Variants in MATN2 observed in about 807,000 individuals in gnomAD.
MATN2 encodes the protein matrilin 2.
Under a neutral mutation model 103.2 loss-of-function variants are expected in MATN2, and 69 were observed. The ratio of observed to expected loss-of-function variants is 0.67; its 90% CI spans 0.55 to 0.82. The LOEUF (loss-of-function observed/expected upper bound fraction) is 0.82, where lower values mean the gene tolerates loss of function less well. MATN2 is among the 40% of genes least tolerant of loss of function. The pLI is 0.00. For synonymous variants in MATN2, 429 were observed against 450.2 expected (o/e 0.95, Z 0.60); for missense variants, 1,023 against 1,211.5 (o/e 0.84, Z 2.31).
intron 2 of MATN2, among the ~76,000 whole-genome samples, chr8:97,908,755 C>T (rs565023490): frequency 6.6e-6 from 1 of 152,272 alleles, no homozygotes; most frequent in East Asian, 1.9e-4. Flanking sequence ...CCTCAGTCTC[C>T]CAAGTAGCTG....
chr8:98,032,130 A>T, intron 15 of MATN2, 116 bp from the exon 16 acceptor site: 1 of 770,116 alleles, frequency 1.3e-6, no homozygotes, highest in Non-Finnish European at 2.1e-6. Flanking sequence ...AAACAAAACT[A>T]AAAAACCTTA....
chr8:97,968,095 C>T (rs1362001581), intron 5 of MATN2, among the ~76,000 whole-genome samples: 1 of 152,232 alleles, frequency 6.6e-6, no homozygotes, highest in Non-Finnish European at 1.5e-5. Context: ...GCAGCCCAAG[C>T]TGTACCTGTG....
intron 6 of MATN2, among the ~76,000 whole-genome samples, chr8:97,990,485 T>C (rs1812357791): frequency 6.6e-6 from 1 of 152,218 alleles, no homozygotes; most frequent in African/African-American, 2.4e-5. Flanking sequence ...GCAAAAGGAA[T>C]GAAAGCATAT....
chr8:97,934,831 G>C (rs542911522), intron 3 of MATN2, among the ~76,000 whole-genome samples: 98 of 152,332 alleles, frequency 6.4e-4, no homozygotes, highest in African/African-American at 2.2e-3. Context: ...TGAACATAGA[G>C]TAGCTACTTA....
At chr8:98,011,069 G>A (rs1813142854) in intron 10 of MATN2, among the ~76,000 whole-genome samples, 1 of 152,214 alleles carries the variant, frequency 6.6e-6, no homozygotes, top group African/African-American at 2.4e-5. Context: ...GGGTTCTGGT[G>A]AGGGCCCTCT....
intron 13 of MATN2, chr8:98,025,554 T>C (rs1486468383): frequency 3.8e-6 from 1 of 261,738 alleles, no homozygotes; most frequent in Non-Finnish European, 7.6e-6. Context: ...GAAATCAGCT[T>C]GGCCAAGATG....
chr8:97,997,817 G>GTTT (rs34347663), intron 7 of MATN2, among the ~76,000 whole-genome samples: 14 of 133,646 alleles, frequency 1.0e-4, no homozygotes, highest in Admixed American at 1.5e-4. Context: ...TTTGGAGAAG[G>GTTT]TTTTTTTTTT....
intron 4 of MATN2, among the ~76,000 whole-genome samples, chr8:97,953,854 C>T (rs1329259501): frequency 1.3e-5 from 2 of 150,518 alleles, no homozygotes; most frequent in African/African-American, 4.9e-5. Flanking sequence ...CCCAGCTACT[C>T]GGGAGGCTGA....
intron 3 of MATN2, among the ~76,000 whole-genome samples, chr8:97,937,051 T>G (rs1342432515): frequency 6.6e-6 from 1 of 152,158 alleles, no homozygotes; most frequent in Non-Finnish European, 1.5e-5. Context: ...CCTTCTCCAG[T>G]CCACAGTCAG....
rs1381802309 is a variant in MATN2, at chr8:97,978,879, T to C, written c.959-7T>C. 6.2e-6 allele frequency: 10 copies of C among 1,613,898 alleles called. No homozygotes were observed. The highest frequency in any genetic ancestry group is 7.6e-6 in the Non-Finnish European group (9 of 1,179,818). On this transcript the variant is annotated splice_region_variant and splice_polypyrimidine_tract_variant and intron_variant, in intron 5 of 18. Coordinates refer to ENST00000254898, the MANE Select transcript of MATN2 (RefSeq NM_002380.5). ...TTCTAATTCTGAATGTGTTTTATTCTCTCCAGCTGTGGACTACTGTGCCTC... is the reference window on the plus strand; with the variant it reads ...TTCTAATTCTGAATGTGTTTTATTCCCTCCAGCTGTGGACTACTGTGCCTC...
Position 97,931,274 on chromosome 8 carries a change from G to T in MATN2, c.464G>T (p.Arg155Leu), listed in dbSNP as rs765751317. 6.2e-7 allele frequency: 1 copy of T among 1,613,904 alleles called. No homozygotes were observed. Among genetic ancestry groups the T allele is most frequent in the South Asian group, 1.1e-5 (1 of 91,082 alleles). Residue 155 changes from arginine (R) to leucine (L), a missense_variant, in exon 3 of 19, where the codon CGG becomes CTG. Arg to Leu is a moderately radical substitution (Grantham distance 102). Coordinates refer to ENST00000254898, the MANE Select transcript of MATN2 (RefSeq NM_002380.5). The surrounding 1 kb of genome is among the most constrained non-coding windows in gnomAD (Gnocchi z 4.1). ...NIAFSEAEGA[R>L]PLRENVPRVI... is the part of the protein sequence containing the mutation. ...GCATTCTCAGAAGCAGAGGGGGCCC[G>T]GCCCCTGAGGGAGAATGTGCCACGG...
intron 7 of MATN2, among the ~76,000 whole-genome samples, chr8:97,995,914 A>T (rs115035345): frequency 3.3e-5 from 5 of 152,194 alleles, no homozygotes; most frequent in African/African-American, 1.2e-4. Context: ...AAACAATTAG[A>T]TAAGCTATTT....
intron 2 of MATN2, among the ~76,000 whole-genome samples, chr8:97,903,960 G>A (rs901465092): frequency 1.3e-5 from 2 of 152,212 alleles, no homozygotes; most frequent in African/African-American, 4.8e-5. Context: ...ATTTTCTAGT[G>A]TTGAACCAAT....
intron 3 of MATN2, among the ~76,000 whole-genome samples, chr8:97,937,209 C>T (rs530094279): frequency 3.3e-5 from 5 of 152,262 alleles, no homozygotes; most frequent in Non-Finnish European, 7.3e-5. Flanking sequence ...CTACCTCAGA[C>T]CACCACGGCA....
At chr8:97,969,328 T>C (rs1372856996) in intron 5 of MATN2, among the ~76,000 whole-genome samples, 1 of 152,214 alleles carries the variant, frequency 6.6e-6, no homozygotes, top group African/African-American at 2.4e-5. Flanking sequence ...ACTAAGCACA[T>C]ATCTTTAAGT....
rs752306279 is a variant in MATN2 at position 97,887,672 on chromosome 8, TCTA to T, written c.-26-399_-26-397del. ...AATTTATATAAACTAATTGATGCCA[TCTA>T]CTATTATTAGACTGAACAAATATTG... On this transcript the variant is annotated intron_variant, in intron 1 of 18. Coordinates refer to ENST00000254898, the MANE Select transcript of MATN2 (RefSeq NM_002380.5). 5.6e-4 allele frequency among the ~76,000 whole-genome samples: 86 copies of T among 152,352 alleles called. 1 individual carries two copies. The highest frequency in any genetic ancestry group is 3.4e-3 in the Middle Eastern group (1 of 294).
intron 2 of MATN2, among the ~76,000 whole-genome samples, chr8:97,924,446 T>C (rs1302037405): frequency 6.6e-6 from 1 of 152,238 alleles, no homozygotes; most frequent in African/African-American, 2.4e-5. Context: ...TTGCTGGGAA[T>C]TGATATGGAA....
intron 6 of MATN2, 61 bp downstream of exon 6, chr8:97,979,069 GA>G (rs1314261689): frequency 2.0e-6 from 3 of 1,531,470 alleles, no homozygotes; most frequent in African/African-American, 1.4e-5. Context: ...TGGTGACTGT[GA>G]CCATGGAACT....
intron 7 of MATN2, among the ~76,000 whole-genome samples, chr8:97,997,836 T>C (rs201624549): frequency 8.7e-5 from 12 of 137,996 alleles, no homozygotes; most frequent in African/African-American, 2.2e-4. Context: ...TTTTTTTTTT[T>C]CCAGACAGAA....
Sources: gnomAD v4.1 joint callset for allele counts (sites outside exome capture counted in the v4.1 genomes callset) on GRCh38, gnomAD v4.1.1 for gene constraint, Gnocchi (gnomAD v3.1) non-coding constraint, MANE v1.5 for transcripts, NCBI Gene and HGNC (gene_info 2026-07-23, HGNC 2026-07-21) for gene names.